Variants in IGSF10 observed in about 807,000 individuals in gnomAD.
IGSF10 encodes the protein immunoglobulin superfamily member 10, also known as calvaria mechanical force protein 608.
A neutral mutation model predicts 128.2 loss-of-function variants in IGSF10; 126 were observed. That is an observed-to-expected ratio of 0.98 (90% CI 0.85 to 1.14). The LOEUF is 1.14. Among genes scored for constraint, IGSF10 ranks in the 50% most tolerant of loss-of-function variants. The probability of loss-of-function intolerance (pLI) is 0.00; values close to 1 mark genes in which losing one functional copy is unlikely to be tolerated. For missense variants in IGSF10, 3,295 were observed against 3,149.8 expected (o/e 1.05, Z -1.10); for synonymous variants, 1,185 against 1,146.2 (o/e 1.03, Z -0.68).
At chr3:151,560,789 TAGAC>T in the IGSF10 span, among the ~76,000 whole-genome samples, 1 of 152,130 alleles carries the variant, frequency 6.6e-6, no homozygotes, top group African/African-American at 2.4e-5. Context: ...CTTGGAATTT[TAGAC>T]TCTGTGGTGT....
chr3:151,537,096 T>C, the IGSF10 span, among the ~76,000 whole-genome samples: 1 of 152,326 alleles, frequency 6.6e-6, no homozygotes, highest in East Asian at 1.9e-4. Context: ...ATGGGGGGAC[T>C]GTGAGGGAAA....
At chr3:151,476,075 C>CTTTGGATTTGGACAGTTCCAGTCCAAACA in the IGSF10 span, 1 of 152,076 alleles carries the variant, frequency 6.6e-6, no homozygotes, top group Non-Finnish European at 1.5e-5. Context: ...CATAGTGTAT[C>CTTTGGATTTGGACAGTTCCAGTCCAAACA]TTTGGATTTG....
At chr3:151,575,120 A>G in the IGSF10 span, among the ~76,000 whole-genome samples, 44 of 152,264 alleles carry the variant, frequency 2.9e-4, no homozygotes, top group African/African-American at 1.1e-3. Context: ...GCTTTGTCTC[A>G]GAGGGGCACC....
chr3:151,440,782 G>T (rs1217009179), intron 7 of IGSF10: 1 of 361,036 alleles, frequency 2.8e-6, no homozygotes, highest in Admixed American at 3.2e-5. Context: ...AGGATTCTTA[G>T]AATTTTCCGG....
intron 5 of IGSF10, 49 bp from the exon 6 acceptor site, chr3:151,449,314 T>G: frequency 1.4e-6 from 2 of 1,451,062 alleles, no homozygotes; most frequent in Non-Finnish European, 1.8e-6. Context: ...CTTTATGAAT[T>G]GACACAAACA....
the IGSF10 span, among the ~76,000 whole-genome samples, chr3:151,469,215 T>C: frequency 2.6e-5 from 4 of 152,228 alleles, no homozygotes; most frequent in African/African-American, 9.6e-5. Flanking sequence ...GCATGTATCT[T>C]TATAATAGAA....
At position 151,446,067 on chromosome 3, in the gene IGSF10, T is replaced by G; in HGVS notation, c.3914A>C (p.Asp1305Ala). The change falls in exon 6 of 8, where the codon GAC becomes GCC. Residue 1305 changes from aspartate (D) to alanine (A), a missense_variant. Transcript: ENST00000282466. The part of the protein sequence containing the change: ...NPMLPSIISK[D>A]SSTKSIISTQ... Reference sequence around the variant, plus strand: ...TGATATGATGCTTTTTGTACTTGAGTCTTTGCTTATAATACTAGGAAGCAT... The same window carrying G: ...TGATATGATGCTTTTTGTACTTGAGGCTTTGCTTATAATACTAGGAAGCAT... The G allele has an allele frequency of 6.2e-7, 1 of 1,614,118 alleles. No homozygotes were observed. The highest frequency in any genetic ancestry group is 8.5e-7 in the Non-Finnish European group (1 of 1,180,020).
At chr3:151,482,399 G>A in the IGSF10 span, among the ~76,000 whole-genome samples, 2 of 152,086 alleles carry the variant, frequency 1.3e-5, no homozygotes, top group South Asian at 4.2e-4. Context: ...TCTTGGAGCT[G>A]AAGAATTAAA....
the IGSF10 span, among the ~76,000 whole-genome samples, chr3:151,496,458 G>A: frequency 6.9e-6 from 1 of 144,042 alleles, no homozygotes; most frequent in African/African-American, 2.6e-5. Context: ...TGGTTTTTCT[G>A]TCCTTGTGAT....
At chr3:151,558,198 C>T in the IGSF10 span, among the ~76,000 whole-genome samples, 2 of 149,914 alleles carry the variant, frequency 1.3e-5, no homozygotes, top group African/African-American at 4.9e-5. Context: ...ATTTAAAAGA[C>T]ATGAGATATG....
the IGSF10 span, among the ~76,000 whole-genome samples, chr3:151,503,406 G>A: frequency 6.6e-6 from 1 of 151,610 alleles, no homozygotes; most frequent in African/African-American, 2.4e-5. Flanking sequence ...GCAGGAACAA[G>A]AAAAAATAAA....
the IGSF10 span, among the ~76,000 whole-genome samples, chr3:151,495,068 C>T: frequency 2.6e-5 from 4 of 152,084 alleles, no homozygotes; most frequent in Non-Finnish European, 5.9e-5. Context: ...GGTGCCAAAA[C>T]ACCAAAGCGT....
chr3:151,545,849 T>A, the IGSF10 span, among the ~76,000 whole-genome samples: 1 of 152,168 alleles, frequency 6.6e-6, no homozygotes, highest in Admixed American at 6.5e-5. Flanking sequence ...GAAATTGTCA[T>A]GAATCAGGAA....
At chr3:151,601,432 C>A in the IGSF10 span, among the ~76,000 whole-genome samples, 1 of 152,162 alleles carries the variant, frequency 6.6e-6, no homozygotes, top group East Asian at 1.9e-4. Flanking sequence ...AAAGTACACA[C>A]GCACACACAC....
At chr3:151,548,824 TTTTTC>T in the IGSF10 span, among the ~76,000 whole-genome samples, 641 of 152,016 alleles carry the variant, frequency 4.2e-3, 1 homozygote, top group African/African-American at 0.014. Flanking sequence ...TCTTCTTCTT[TTTTTC>T]TTTTATTTTC....
At chr3:151,598,130 A>G in the IGSF10 span, among the ~76,000 whole-genome samples, 1 of 150,124 alleles carries the variant, frequency 6.7e-6, no homozygotes, top group Admixed American at 6.6e-5. Flanking sequence ...AGTACTTGAA[A>G]AATATTCATT....
At chr3:151,533,602 C>T in the IGSF10 span, among the ~76,000 whole-genome samples, 92 of 152,182 alleles carry the variant, frequency 6.0e-4, no homozygotes, top group African/African-American at 1.9e-3. Context: ...TCTAGCCATA[C>T]GCAGAAAGCT....
chr3:151,445,108 G>T lies in IGSF10; in HGVS notation c.4873C>A (p.Pro1625Thr). The change falls in exon 6 of 8, where the codon CCA becomes ACA. Residue 1625 changes from proline to threonine, a missense_variant. Pro to Thr is a conservative substitution (Grantham distance 38, BLOSUM62 -1). Transcript: ENST00000282466. ...NTKKSDFDKK[P>T]VQEATTSKLL... ...TTGGAAGTTGTTGCTTCTTGAACTG[G>T]TTTCTTATCAAAGTCACTCTTCTTT... 6.2e-7 allele frequency: 1 copy of T among 1,614,092 alleles called. No individual in the cohort carries two copies. Among genetic ancestry groups the T allele is most frequent in the Non-Finnish European group, 8.5e-7 (1 of 1,179,994 alleles).
chr3:151,521,416 A>G, the IGSF10 span, among the ~76,000 whole-genome samples: 1 of 151,940 alleles, frequency 6.6e-6, no homozygotes, highest in Admixed American at 6.6e-5. Flanking sequence ...CATGCTTCTC[A>G]TTGCTGCATG....
Sources: gnomAD v4.1 joint callset for allele counts (sites outside exome capture counted in the v4.1 genomes callset) on GRCh38, gnomAD v4.1.1 for gene constraint, MANE v1.5 for transcripts, NCBI Gene and HGNC (gene_info 2026-07-23, HGNC 2026-07-21) for gene names.